Variants in CTNNA3 observed in about 807,000 individuals in gnomAD.
The protein encoded by CTNNA3 is catenin alpha-3.
Under a neutral mutation model 95.7 loss-of-function variants are expected in CTNNA3, and 76 were observed. The observed-to-expected ratio is 0.79, with a 90% CI of 0.66 to 0.96. The LOEUF is 0.96. Among genes scored for constraint, CTNNA3 ranks in the 40% least tolerant of loss-of-function variants. The pLI, the probability that CTNNA3 is intolerant of heterozygous loss-of-function variation, is 0.00. For missense variants in CTNNA3, 1,191 were observed against 1,089.8 expected, an observed-to-expected ratio of 1.09 and a Z score of -1.31; for synonymous variants, 431 against 374.4, an observed-to-expected ratio of 1.15 and a Z score of -1.74.
intron 15 of CTNNA3, among the ~76,000 whole-genome samples, chr10:66,001,346 G>A (rs879442099): frequency 4.6e-5 from 7 of 152,048 alleles, no homozygotes; most frequent in Admixed American, 4.6e-4. Flanking sequence ...ATGGGAGATT[G>A]CACTTTGATG....
chr10:67,379,716 T>G (rs1843845722), intron 5 of CTNNA3, among the ~76,000 whole-genome samples: 1 of 151,982 alleles, frequency 6.6e-6, no homozygotes, highest in Non-Finnish European at 1.5e-5. Flanking sequence ...AAACCATGAG[T>G]AGAGCATAGA....
At chr10:66,347,250 T>A (rs532832780) in intron 12 of CTNNA3, among the ~76,000 whole-genome samples, 1 of 152,218 alleles carries the variant, frequency 6.6e-6, no homozygotes, top group African/African-American at 2.4e-5. Flanking sequence ...TCTAAGGTAA[T>A]AACAATTTCC....
chr10:66,951,983 G>A (rs1001843390), intron 7 of CTNNA3, among the ~76,000 whole-genome samples: 1 of 152,182 alleles, frequency 6.6e-6, no homozygotes, highest in Non-Finnish European at 1.5e-5. Context: ...TTTCAGAGAG[G>A]GAGCTAGTGA....
chr10:67,738,258 G>T (rs115183734), intron 1 of CTNNA3, among the ~76,000 whole-genome samples: 1 of 152,124 alleles, frequency 6.6e-6, no homozygotes, highest in Non-Finnish European at 1.5e-5. Context: ...TTGCTGTTCC[G>T]CAATATTTGC....
chr10:66,246,326 G>C (rs530705220), intron 13 of CTNNA3, among the ~76,000 whole-genome samples: 2 of 152,130 alleles, frequency 1.3e-5, no homozygotes, highest in South Asian at 4.1e-4. Context: ...CCAGGGTTGG[G>C]GGGTGGGGCT....
At chr10:66,429,282 G>A (rs530659372) in intron 11 of CTNNA3, among the ~76,000 whole-genome samples, 1 of 152,202 alleles carries the variant, frequency 6.6e-6, no homozygotes, top group South Asian at 2.1e-4. Context: ...AACAAAAAAA[G>A]TCCAGGACCA....
chr10:66,446,862 T>C (rs2093425980), intron 11 of CTNNA3, among the ~76,000 whole-genome samples: 1 of 151,746 alleles, frequency 6.6e-6, no homozygotes, highest in South Asian at 2.1e-4. Flanking sequence ...GGGTATTCAA[T>C]TAGGAAAAGA....
rs571388417 is a variant in CTNNA3, at chr10:67,432,765, G to C, written c.579+89077C>G. ...TTTGCCATATAAGGTACTATTCACAGATTCTGAGGATTAGGACATGAATTT... is the reference window on the plus strand; with the variant it reads ...TTTGCCATATAAGGTACTATTCACACATTCTGAGGATTAGGACATGAATTT... On this transcript the variant is annotated intron_variant, in intron 5 of 17. Coordinates refer to ENST00000433211, the MANE Select transcript of CTNNA3 (RefSeq NM_013266.4). 7.9e-5 allele frequency among the ~76,000 whole-genome samples: 12 copies of C among 152,088 alleles called. No homozygotes were observed. The South Asian group carries it at 2.5e-3, about 32-fold the overall frequency.
At position 67,562,315 on chromosome 10, in the gene CTNNA3, G is replaced by A. The variant is rs1191290275; in HGVS notation, c.293-22646C>T. 3.3e-5 allele frequency among the ~76,000 whole-genome samples: 5 copies of A among 152,208 alleles called. No individual in the cohort carries two copies. In the South Asian group the frequency reaches 1.0e-3, roughly 32 times the overall value. On this transcript the variant is annotated intron_variant, in intron 3 of 17. Transcript: ENST00000433211. The stretch of plus-strand genomic sequence containing the variant: ...CATGATCAAGTGGGCTTCATCGCTG[G>A]GATGCAAGGCTGGTTCAACATACAC...
intron 11 of CTNNA3, among the ~76,000 whole-genome samples, chr10:66,510,591 A>AT (rs1012969214): frequency 1.3e-5 from 2 of 151,832 alleles, no homozygotes; most frequent in Non-Finnish European, 3.0e-5. Flanking sequence ...TTTGTTAAGA[A>AT]TTTTTTATCA....
chr10:67,019,000 CT>C (rs1852826609), intron 7 of CTNNA3, among the ~76,000 whole-genome samples: 1 of 152,172 alleles, frequency 6.6e-6, no homozygotes, highest in African/African-American at 2.4e-5. Context: ...TCATAAGTAT[CT>C]TGAGAGCAGG....
At chr10:66,132,194 CTTATACAAATCTA>C (rs2083136897) in intron 13 of CTNNA3, among the ~76,000 whole-genome samples, 2 of 152,078 alleles carry the variant, frequency 1.3e-5, no homozygotes, top group African/African-American at 4.8e-5. Context: ...CTATAAGGAA[CTTATACAAATCTA>C]TAAGACAAAA....
At chr10:67,573,256 C>T (rs2133293863) in intron 3 of CTNNA3, among the ~76,000 whole-genome samples, 1 of 152,132 alleles carries the variant, frequency 6.6e-6, no homozygotes, top group South Asian at 2.1e-4. Context: ...GCCCAGTGTC[C>T]CTACGACCAA....
intron 15 of CTNNA3, among the ~76,000 whole-genome samples, chr10:66,040,881 T>TA (rs2079672955): frequency 6.6e-6 from 1 of 152,098 alleles, no homozygotes; most frequent in Non-Finnish European, 1.5e-5. Context: ...CTTAAAAGTT[T>TA]AAAAAAATCT....
At chr10:66,641,279 C>A (rs1845508620) in intron 9 of CTNNA3, among the ~76,000 whole-genome samples, 1 of 152,084 alleles carries the variant, frequency 6.6e-6, no homozygotes, top group East Asian at 1.9e-4. Context: ...GCCAATGAAG[C>A]CACCAATCTT....
intron 5 of CTNNA3, among the ~76,000 whole-genome samples, chr10:67,371,589 T>C (rs1843467749): frequency 6.6e-6 from 1 of 152,220 alleles, no homozygotes; most frequent in African/African-American, 2.4e-5. Context: ...TAGTATTCCA[T>C]GGTGTATATG....
intron 12 of CTNNA3, 36 bp downstream of exon 12, chr10:66,379,116 G>A (rs566596659): frequency 6.0e-6 from 9 of 1,511,656 alleles, no homozygotes; most frequent in Non-Finnish European, 8.3e-6. Context: ...ATTCAAATAA[G>A]AGAAATTGTG....
intron 5 of CTNNA3, among the ~76,000 whole-genome samples, chr10:67,458,110 C>G (rs1014190176): frequency 3.3e-5 from 5 of 152,022 alleles, no homozygotes; most frequent in African/African-American, 1.2e-4. Flanking sequence ...CATGAGTCCA[C>G]AAAATAATAG....
At chr10:66,367,862 AATAATAATAATAATAATAATTATT>A (rs1368783497) in intron 12 of CTNNA3, among the ~76,000 whole-genome samples, 32 of 41,556 alleles carry the variant, frequency 7.7e-4, no homozygotes, top group African/African-American at 2.2e-3. Context: ...TAATAATAAT[AATAATAATAATAATAATAATTATT>A]ATTATTATTA....
Sources: allele counts gnomAD v4.1 joint callset (sites outside exome capture counted in the v4.1 genomes callset), GRCh38; gene constraint gnomAD v4.1.1; transcripts MANE v1.5; gene names NCBI Gene and HGNC (gene_info 2026-07-23, HGNC 2026-07-21).